The following PTPN4 variants were observed in gnomAD, a reference collection of about 807,000 sequenced individuals.
PTPN4 encodes the protein tyrosine-protein phosphatase non-receptor type 4.
A neutral mutation model predicts 135.5 loss-of-function variants in PTPN4; 49 were observed. The ratio of observed to expected loss-of-function variants is 0.36; its 90% CI spans 0.29 to 0.46. The LOEUF (loss-of-function observed/expected upper bound fraction) is 0.46, where lower values mean the gene tolerates loss of function less well. Among genes scored for constraint, PTPN4 ranks in the 20% least tolerant of loss-of-function variants. The pLI, the probability that PTPN4 is intolerant of heterozygous loss-of-function variation, is 1.00. For missense variants in PTPN4, 860 were observed against 1,101.0 expected, an observed-to-expected ratio of 0.78 and a Z score of 3.10; for synonymous variants, 333 against 369.9, an observed-to-expected ratio of 0.90 and a Z score of 1.14.
At chr2:119,804,602 C>G (rs868186606) in intron 1 of PTPN4, among the ~76,000 whole-genome samples, 2 of 152,192 alleles carry the variant, frequency 1.3e-5, no homozygotes, top group African/African-American at 4.8e-5. Flanking sequence ...CTGCAAAGGA[C>G]GTGAACTCAT....
chr2:119,944,974 T>C (rs1179999717), intron 15 of PTPN4, 107 bp from the exon 16 acceptor site: 6 of 928,376 alleles, frequency 6.5e-6, no homozygotes, highest in Non-Finnish European at 9.1e-6. Context: ...CAAATAAATA[T>C]GGTATTTAGA....
At chr2:119,955,009 T>C (rs1403891224) in intron 19 of PTPN4, 148 bp from the exon 20 acceptor site, 1 of 664,748 alleles carries the variant, frequency 1.5e-6, no homozygotes, top group African/African-American at 1.8e-5. Flanking sequence ...TGTCCCCCCA[T>C]AGTGACACCA....
intron 2 of PTPN4, among the ~76,000 whole-genome samples, chr2:119,860,529 C>T (rs1400785840): frequency 2.0e-5 from 3 of 152,044 alleles, no homozygotes; most frequent in Non-Finnish European, 2.9e-5. Context: ...AATTAGCTTG[C>T]GCTGGAGTCT....
intron 2 of PTPN4, among the ~76,000 whole-genome samples, chr2:119,843,587 C>A (rs1390763888): frequency 9.6e-6 from 1 of 103,942 alleles, no homozygotes; most frequent in Admixed American, 8.7e-5. Context: ...CGCCCCTCAC[C>A]TCCCGGACGG....
At chr2:119,969,548 A>ATTTT (rs1167219560) in intron 26 of PTPN4, among the ~76,000 whole-genome samples, 1 of 94,488 alleles carries the variant, frequency 1.1e-5, no homozygotes, top group African/African-American at 3.9e-5. Flanking sequence ...AATGTAATCA[A>ATTTT]TTTCTTTTTT....
intron 2 of PTPN4, among the ~76,000 whole-genome samples, chr2:119,824,513 A>G (rs1343891255): frequency 6.6e-6 from 1 of 152,096 alleles, no homozygotes; most frequent in Admixed American, 6.5e-5. Flanking sequence ...TTGTTCTATC[A>G]ATTATCGAGA....
rs370768317 is a variant in PTPN4 at position 119,823,534 on chromosome 2, ATC to A, written c.138+13545_138+13546del. Among the ~76,000 whole-genome samples the A allele has an allele frequency of 7.1e-3, 1,084 of 152,250 alleles. 12 individuals carry two copies. Among genetic ancestry groups the A allele is most frequent in the African/African-American group, 0.025 (1,021 of 41,554 alleles). On this transcript the variant is annotated intron_variant, in intron 2 of 26. Coordinates refer to ENST00000263708, the MANE Select transcript of PTPN4 (RefSeq NM_002830.4). Reference sequence around the variant, plus strand: ...AGGCGTGAGCCACCGTGCCCAGCCCATCTGTTTCTTACATATCAGTATTCCTT... The same window carrying A: ...AGGCGTGAGCCACCGTGCCCAGCCCATGTTTCTTACATATCAGTATTCCTT...
At chr2:119,934,715 C>T in intron 14 of PTPN4, 85 bp from the exon 15 acceptor site, 5 of 1,370,252 alleles carry the variant, frequency 3.6e-6, no homozygotes, top group Non-Finnish European at 4.1e-6. Context: ...CACATACCCC[C>T]TTTCTGATGT....
intron 12 of PTPN4, among the ~76,000 whole-genome samples, chr2:119,922,063 C>G (rs1678744654): frequency 6.6e-6 from 1 of 152,002 alleles, no homozygotes. Context: ...AAGGAAGTTA[C>G]CCAAACCATA....
chr2:119,846,294 G>T (rs1677497663), intron 2 of PTPN4, among the ~76,000 whole-genome samples: 1 of 152,094 alleles, frequency 6.6e-6, no homozygotes, highest in African/African-American at 2.4e-5. Flanking sequence ...TTGAGTATGG[G>T]AGTCTCCAAC....
intron 1 of PTPN4, among the ~76,000 whole-genome samples, chr2:119,786,503 A>G (rs373024737): frequency 6.6e-5 from 10 of 152,212 alleles, no homozygotes; most frequent in East Asian, 5.8e-4. Flanking sequence ...CTCCACTCAC[A>G]TATCTGGCAG....
At chr2:119,846,763 C>CT in intron 2 of PTPN4, among the ~76,000 whole-genome samples, 1 of 150,980 alleles carries the variant, frequency 6.6e-6, no homozygotes, top group Non-Finnish European at 1.5e-5. Flanking sequence ...TTTCAGTTTT[C>CT]TTTTTTTTAA....
intron 2 of PTPN4, among the ~76,000 whole-genome samples, chr2:119,811,365 AT>A (rs1257122075): frequency 3.9e-5 from 6 of 152,214 alleles, no homozygotes; most frequent in African/African-American, 1.2e-4. Flanking sequence ...AGTAGTGAAT[AT>A]TACATCATTA....
intron 11 of PTPN4, chr2:119,916,561 A>G (rs987877860): frequency 1.3e-5 from 2 of 152,188 alleles, no homozygotes; most frequent in African/African-American, 2.4e-5. Context: ...GAACATATCC[A>G]TATCAGCACC....
chr2:119,827,129 T>C (rs72836823), intron 2 of PTPN4, among the ~76,000 whole-genome samples: 3,163 of 152,346 alleles, frequency 0.021, 60 homozygotes, highest in Non-Finnish European at 0.033. Context: ...GCCGTACCCC[T>C]ATACATACAC....
In PTPN4 at chr2:119,977,891, G is replaced by A. The variant is rs1447636748; in HGVS notation, c.*821G>A. 1 of 152,120 alleles carries A rather than the reference G, an allele frequency of 6.6e-6. No individual in the cohort carries two copies. The allele number at this position is 152,120 out of a possible 1,614,324, so 9.4% of individuals were successfully genotyped here. On this transcript the variant is annotated 3_prime_UTR_variant, in exon 27 of 27. Coordinates refer to ENST00000263708, the MANE Select transcript of PTPN4 (RefSeq NM_002830.4). ...TTTGACCCCACTAGGAGGTATATAT[G>A]TATATTGTACATTCGTATATTTTTA...
At chr2:119,800,337 G>T (rs1691339742) in intron 1 of PTPN4, among the ~76,000 whole-genome samples, 2 of 152,128 alleles carry the variant, frequency 1.3e-5, no homozygotes, top group South Asian at 4.2e-4. Context: ...TTCCCAAATG[G>T]CTCAGATTGA....
chr2:119,967,730 A>C (rs573070829), intron 25 of PTPN4, 107 bp from the exon 26 acceptor site: 1 of 934,950 alleles, frequency 1.1e-6, no homozygotes, highest in South Asian at 3.3e-5. Context: ...TTAAAATATT[A>C]AAATGATATT....
chr2:119,975,999 A>ATTT (rs70949379), intron 26 of PTPN4, among the ~76,000 whole-genome samples: 2 of 117,530 alleles, frequency 1.7e-5, no homozygotes, highest in African/African-American at 3.1e-5. Context: ...TTATTTATTT[A>ATTT]TTTTTTTTTT....
Sources: allele counts gnomAD v4.1 joint callset (sites outside exome capture counted in the v4.1 genomes callset), GRCh38; gene constraint gnomAD v4.1.1; transcripts MANE v1.5; gene names NCBI Gene and HGNC (gene_info 2026-07-23, HGNC 2026-07-21).